Variants in ATXN2 observed in about 807,000 individuals in gnomAD.
ATXN2 encodes ataxin-2.
Under a neutral mutation model 138.6 loss-of-function variants are expected in ATXN2, and 37 were observed. The ratio of observed to expected loss-of-function variants is 0.27; its 90% CI spans 0.21 to 0.35. The LOEUF is 0.35. Ranked by LOEUF, ATXN2 falls within the 10% of genes least tolerant of loss-of-function variation. The probability of loss-of-function intolerance (pLI) is 1.00; values close to 1 mark genes in which losing one functional copy is unlikely to be tolerated. For missense variants in ATXN2, 1,216 were observed against 1,480.3 expected (o/e 0.82, Z 2.93); for synonymous variants, 549 against 543.7 (o/e 1.01, Z -0.13).
chr12:111,560,119 T>C (rs888089888), intron 1 of ATXN2, among the ~76,000 whole-genome samples: 1 of 152,196 alleles, frequency 6.6e-6, no homozygotes, highest in African/African-American at 2.4e-5. Flanking sequence ...CAGATCAGTC[T>C]GTGGAGCAGT....
intron 18 of ATXN2, among the ~76,000 whole-genome samples, chr12:111,475,213 CAAAAA>C (rs1204054416): frequency 7.1e-6 from 1 of 140,204 alleles, no homozygotes; most frequent in Admixed American, 7.2e-5. Context: ...GACTCTGTCT[CAAAAA>C]AAAAAGGCTG....
At position 111,598,870 on chromosome 12, in the gene ATXN2, G is replaced by C. The variant is rs1310812112; in HGVS notation, c.165C>G (p.Ser55=). The change falls in exon 1 of 25, where the codon TCC becomes TCG. Residue 55 remains serine, a synonymous_variant. Coordinates refer to ENST00000673436, the MANE Select transcript of ATXN2 (RefSeq NM_001372574.1). This position sits in a 1 kb window ranked among gnomAD's most constrained non-coding sequence, Gnocchi z 4.5. ...LASPAAAPSP[S]SSSVSSSSAT... ...CCGAGGACGAGGAGACCGAGGACGA[G>C]GACGGCGAAGGCGCGGCGGCGGGCG... 4 of 1,493,492 alleles carry C rather than the reference G, an allele frequency of 2.7e-6. No homozygotes were observed. The highest frequency in any genetic ancestry group is 3.5e-6 in the Non-Finnish European group (4 of 1,128,014). The allele number at this position is 1,493,492 out of a possible 1,614,324, so 92.5% of individuals were successfully genotyped here.
At chr12:111,455,923 T>A in intron 23 of ATXN2, 106 bp downstream of exon 23, 1 of 1,073,284 alleles carries the variant, frequency 9.3e-7, no homozygotes, top group East Asian at 2.4e-5. Context: ...GACAGGCAAA[T>A]GGCATGACAC....
chr12:111,526,120 G>A (rs1264541446), intron 5 of ATXN2, among the ~76,000 whole-genome samples: 2 of 151,890 alleles, frequency 1.3e-5, no homozygotes, highest in East Asian at 1.9e-4. Flanking sequence ...CACTTTGGGA[G>A]GCCCAGGCAG....
At chr12:111,579,713 T>C (rs1883880757) in intron 1 of ATXN2, among the ~76,000 whole-genome samples, 1 of 151,762 alleles carries the variant, frequency 6.6e-6, no homozygotes, top group Admixed American at 6.6e-5. Context: ...TTTTTTTTTT[T>C]TTGAGATAAG....
intron 1 of ATXN2, among the ~76,000 whole-genome samples, chr12:111,557,966 T>C (rs1882476683): frequency 1.3e-5 from 2 of 152,218 alleles, no homozygotes; most frequent in Admixed American, 1.3e-4. Context: ...CAAAGCTATA[T>C]AAAAGACTTA....
intron 21 of ATXN2, among the ~76,000 whole-genome samples, chr12:111,459,822 G>A (rs1290250085): frequency 7.2e-5 from 11 of 151,858 alleles, no homozygotes; most frequent in African/African-American, 1.9e-4. Flanking sequence ...TGCAGCCTCC[G>A]CCTCCTGGGT....
At position 111,470,075 on chromosome 12, in the gene ATXN2, C is replaced by T. The variant is rs767199743; in HGVS notation, c.2842+33G>A. Reference sequence around the variant, plus strand: ...GAAACTTAAATTAAGAAGAGTCACACACACTGGAAGAGACAAACAAAGTGC... The same window carrying T: ...GAAACTTAAATTAAGAAGAGTCACATACACTGGAAGAGACAAACAAAGTGC... On this transcript the variant is annotated intron_variant, in intron 20 of 24. Transcript: ENST00000673436. The T allele has an allele frequency of 4.4e-6, 7 of 1,595,648 alleles. No individual in the cohort carries two copies. The African/African-American group carries it at 9.4e-5, about 21-fold the overall frequency.
At chr12:111,461,737 T>G (rs995732613) in intron 21 of ATXN2, among the ~76,000 whole-genome samples, 1 of 151,556 alleles carries the variant, frequency 6.6e-6, no homozygotes, top group South Asian at 2.1e-4. Context: ...CTGGCCAAGA[T>G]GGTGAAACCC....
chr12:111,469,937 T>G (rs1414605532), intron 20 of ATXN2, 171 bp downstream of exon 20: 1 of 693,686 alleles, frequency 1.4e-6, no homozygotes, highest in African/African-American at 1.8e-5. Context: ...AGAAACTATT[T>G]GCCAAAAGTT....
In ATXN2 at chr12:111,518,300, T is replaced by C. The variant is rs776048858; in HGVS notation, c.1114A>G (p.Thr372Ala). ...GSMPSRSTSH[T>A]SDFNPNSGSD... is the part of the protein sequence containing the mutation. ...CCAGAATTCGGGTTGAAATCTGAAG[T>C]GTGAGAAGTGGATCTTGATGGCATG... Residue 372 changes from threonine (T) to alanine (A), a missense_variant, in exon 9 of 25, where the codon ACT becomes GCT. Coordinates refer to ENST00000673436, the MANE Select transcript of ATXN2 (RefSeq NM_001372574.1). The C allele has an allele frequency of 1.9e-6, 3 of 1,612,384 alleles. No individual in the cohort carries two copies. Among genetic ancestry groups the C allele is most frequent in the South Asian group, 1.1e-5 (1 of 90,748 alleles).
At chr12:111,554,742 A>C (rs1882299991) in intron 2 of ATXN2, among the ~76,000 whole-genome samples, 1 of 152,202 alleles carries the variant, frequency 6.6e-6, no homozygotes, top group Non-Finnish European at 1.5e-5. Context: ...GTGGGCAATG[A>C]AACTGTTCTA....
chr12:111,488,808 A>G, intron 14 of ATXN2, 28 bp from the exon 15 acceptor site: 1 of 1,515,344 alleles, frequency 6.6e-7, no homozygotes, highest in Non-Finnish European at 9.0e-7. Context: ...TTATACTTAA[A>G]TATCTTAAAT....
intron 1 of ATXN2, among the ~76,000 whole-genome samples, chr12:111,559,332 C>G (rs1041656183): frequency 2.0e-5 from 3 of 151,436 alleles, no homozygotes; most frequent in Non-Finnish European, 4.4e-5. Context: ...ATCTCTTAAC[C>G]TTGTGATCCA....
At chr12:111,545,143 C>T (rs1193765492) in intron 5 of ATXN2, among the ~76,000 whole-genome samples, 3 of 151,606 alleles carry the variant, frequency 2.0e-5, no homozygotes, top group South Asian at 4.2e-4. Flanking sequence ...TGGGCAAGAG[C>T]GAGACTCTGT....
At chr12:111,566,444 A>AAAAG (rs1883011353) in intron 1 of ATXN2, among the ~76,000 whole-genome samples, 1 of 122,542 alleles carries the variant, frequency 8.2e-6, no homozygotes, top group East Asian at 8.7e-4. Context: ...ATCTCAAAAA[A>AAAAG]AAAGAAAAAA....
intron 3 of ATXN2, among the ~76,000 whole-genome samples, chr12:111,553,286 G>A (rs924398249): frequency 2.6e-5 from 4 of 152,050 alleles, no homozygotes; most frequent in Non-Finnish European, 5.9e-5. Flanking sequence ...ACACACAGCA[G>A]GGTTAACAAG....
intron 20 of ATXN2, 98 bp downstream of exon 20, chr12:111,470,010 C>T: frequency 7.5e-7 from 1 of 1,342,226 alleles, no homozygotes; most frequent in Non-Finnish European, 1.0e-6. Context: ...CCCTCAATGT[C>T]ATAAAAGGTC....
chr12:111,544,716 T>TA (rs1054105179), intron 5 of ATXN2, among the ~76,000 whole-genome samples: 4 of 151,784 alleles, frequency 2.6e-5, no homozygotes, highest in African/African-American at 9.7e-5. Flanking sequence ...TCAATAAACA[T>TA]AAAAAATACA....
Sources: allele counts gnomAD v4.1 joint callset (sites outside exome capture counted in the v4.1 genomes callset), GRCh38; gene constraint gnomAD v4.1.1; non-coding constraint Gnocchi (gnomAD v3.1); transcripts MANE v1.5; gene names NCBI Gene and HGNC (gene_info 2026-07-23, HGNC 2026-07-21).